Variants in REPS2 observed in about 807,000 individuals in gnomAD.
REPS2 encodes the protein ralBP1-associated Eps domain-containing protein 2.
A neutral mutation model predicts 53.6 loss-of-function variants in REPS2; 23 were observed. That is an observed-to-expected ratio of 0.43 (90% confidence interval 0.31 to 0.61). The LOEUF (loss-of-function observed/expected upper bound fraction) is 0.61, where lower values mean the gene tolerates loss of function less well. REPS2 is among the 20% of genes least tolerant of loss of function. The probability of loss-of-function intolerance (pLI) is 0.11; values close to 1 mark genes in which losing one functional copy is unlikely to be tolerated. For synonymous variants in REPS2, 238 were observed against 218.6 expected (o/e 1.09, Z -0.78); for missense variants, 446 against 534.9 (o/e 0.83, Z 1.64).
At chrX:17,026,133 G>A (rs1462233082) in intron 4 of REPS2, among the ~76,000 whole-genome samples, 1 of 112,088 alleles carries the variant, frequency 8.9e-6, no homozygotes, top group Non-Finnish European at 1.9e-5. Flanking sequence ...GAAGCAGAAG[G>A]TGTGTGGGTT....
intron 13 of REPS2, among the ~76,000 whole-genome samples, chrX:17,097,845 C>T (rs899987161): frequency 2.7e-5 from 3 of 111,581 alleles, no homozygotes; most frequent in Admixed American, 1.9e-4. Context: ...TTATCAGAAT[C>T]GACTTAAGAA....
the REPS2 span, among the ~76,000 whole-genome samples, chrX:17,171,355 G>A: frequency 9.0e-6 from 1 of 111,390 alleles, no homozygotes; most frequent in Non-Finnish European, 1.9e-5. Flanking sequence ...TTCTTAAATG[G>A]CCAGTTCCAA....
At chrX:17,158,820 G>GC in the REPS2 span, among the ~76,000 whole-genome samples, 1 of 112,006 alleles carries the variant, frequency 8.9e-6, no homozygotes, top group East Asian at 2.8e-4. Context: ...GCCAGGTTGG[G>GC]CCCACGCATT....
At chrX:16,969,490 G>A (rs1490691181) in intron 1 of REPS2, among the ~76,000 whole-genome samples, 1 of 108,518 alleles carries the variant, frequency 9.2e-6, no homozygotes, top group Non-Finnish European at 1.9e-5. Context: ...TCGGGAGGCC[G>A]AGGCTGGCGG....
intron 14 of REPS2, 69 bp from the exon 15 acceptor site, chrX:17,133,755 T>C: frequency 3.3e-6 from 3 of 918,780 alleles, no homozygotes; most frequent in Non-Finnish European, 4.7e-6. Flanking sequence ...TCTTCCTAAG[T>C]GCTCTTTATT....
chrX:17,146,698 A>T (rs2063519411), intron 17 of REPS2, among the ~76,000 whole-genome samples: 1 of 111,752 alleles, frequency 8.9e-6, no homozygotes, highest in African/African-American at 3.3e-5. Context: ...GAAGTTGTAT[A>T]CTGACTATTA....
chrX:17,114,180 G>A (rs2063015191), intron 14 of REPS2, among the ~76,000 whole-genome samples: 2 of 111,424 alleles, frequency 1.8e-5, no homozygotes, highest in African/African-American at 3.3e-5. Flanking sequence ...TCCAGTGGTC[G>A]GATTTCGAAT....
intron 1 of REPS2, among the ~76,000 whole-genome samples, chrX:16,974,715 A>AT (rs1224077165): frequency 9.0e-6 from 1 of 110,976 alleles, no homozygotes; most frequent in Non-Finnish European, 1.9e-5. Context: ...GAGATTATGC[A>AT]TTTTTAAAAA....
intron 1 of REPS2, among the ~76,000 whole-genome samples, chrX:16,951,910 G>A (rs867838269): frequency 9.0e-6 from 1 of 110,977 alleles, no homozygotes; most frequent in African/African-American, 3.3e-5. Flanking sequence ...CATCTTATTG[G>A]AGTTTTCTTT....
the REPS2 span, among the ~76,000 whole-genome samples, chrX:17,159,743 G>A: frequency 4.5e-5 from 5 of 111,407 alleles, no homozygotes; most frequent in Admixed American, 9.6e-5. Flanking sequence ...CTGTGAGGCC[G>A]TGGCATTGTG....
At chrX:17,064,270 A>G (rs1922272109) in intron 9 of REPS2, among the ~76,000 whole-genome samples, 1 of 112,180 alleles carries the variant, frequency 8.9e-6, no homozygotes, top group African/African-American at 3.2e-5. Context: ...TTGTTCATTT[A>G]AGAAGTACGG....
At position 17,100,321 on chromosome X, in the gene REPS2, G is replaced by A. The variant is rs747282041; in HGVS notation, c.1517-3397G>A. ...TCTTGTTTTGTTTTTTCTCCATAGC[G>A]TGTGTGTAAAGGGTGATGCTGCTCA... is the stretch of plus-strand genomic sequence containing the variant. On this transcript the variant is annotated intron_variant, in intron 13 of 17. Coordinates refer to ENST00000357277, the MANE Select transcript of REPS2 (RefSeq NM_004726.3). 43 of 529,811 alleles carry A rather than the reference G, an allele frequency of 8.1e-5. 1 individual carries two copies. Among genetic ancestry groups the A allele is most frequent in the Middle Eastern group, 5.6e-4 (1 of 1,789 alleles). 43.7% of individuals were successfully genotyped at this position (529,811 alleles called of 1,213,427 possible). A position where few individuals can be genotyped will look rare whatever the true frequency, so the allele number is the denominator to read the frequency against.
intron 3 of REPS2, among the ~76,000 whole-genome samples, chrX:17,024,306 A>C (rs189148473): frequency 9.2e-5 from 10 of 108,913 alleles, no homozygotes; most frequent in South Asian, 4.0e-4. Flanking sequence ...AACAAACAAA[A>C]AAAAGCACTG....
At chrX:17,163,449 T>A in the REPS2 span, among the ~76,000 whole-genome samples, 15 of 111,786 alleles carry the variant, frequency 1.3e-4, no homozygotes, top group Admixed American at 2.8e-4. Flanking sequence ...CCTTCCCAAA[T>A]TTGATGACAA....
chrX:17,181,973 A>G, the REPS2 span, among the ~76,000 whole-genome samples: 2 of 111,936 alleles, frequency 1.8e-5, no homozygotes, highest in Non-Finnish European at 1.9e-5. Context: ...GAATCTTGCT[A>G]TTCCCCTATC....
chrX:17,135,422 A>T lies in REPS2; in HGVS notation c.1808+16A>T. On this transcript the variant is annotated intron_variant, in intron 16 of 17. Transcript: ENST00000357277. ...CAGTCCAAAAGTAAGTAGACCACAT[A>T]AACAAGAGTGAGGTAGGAATCTCGC... 5.0e-6 allele frequency: 6 copies of T among 1,197,580 alleles called. No homozygotes were observed. Among genetic ancestry groups the T allele is most frequent in the Non-Finnish European group, 6.7e-6 (6 of 889,784 alleles).
At chrX:17,014,067 C>T (rs1206998846) in intron 2 of REPS2, among the ~76,000 whole-genome samples, 1 of 111,467 alleles carries the variant, frequency 9.0e-6, no homozygotes, top group Non-Finnish European at 1.9e-5. Flanking sequence ...TGGATCTTAG[C>T]AGGAAAATAC....
rs1423922757 is a variant in REPS2, at chrX:16,968,318, G to A, written c.273+21184G>A. Among the ~76,000 whole-genome samples, 5 of 111,991 alleles carry A rather than the reference G, an allele frequency of 4.5e-5. No individual in the cohort carries two copies. The East Asian group carries it at 1.1e-3, about 25-fold the overall frequency. ...TCCCCCCTTTCTATTCCACAAAACC[G>A]CCATTGTCATCATGGCCCGTTCTCA... On this transcript the variant is annotated intron_variant, in intron 1 of 17. Coordinates refer to ENST00000357277, the MANE Select transcript of REPS2 (RefSeq NM_004726.3).
In REPS2 at chrX:17,135,342, C is replaced by G. The variant is rs142529645; in HGVS notation, c.1744C>G (p.Pro582Ala). 43 of 1,210,221 alleles carry G rather than the reference C, an allele frequency of 3.6e-5. No homozygotes were observed. The highest frequency in any genetic ancestry group is 3.0e-4 in the African/African-American group (17 of 57,197). ...PENQATENQEPSTAASGPASA... is the reference protein window; with the variant it reads ...PENQATENQEASTAASGPASA... ...AAACCAAGCTACAGAAAACCAAGAG[C>G]CTTCCACTGCTGCAAGTGGGCCAGC... Residue 582 changes from proline (P) to alanine (A), a missense_variant, in exon 16 of 18, where the codon CCT becomes GCT. Coordinates refer to ENST00000357277, the MANE Select transcript of REPS2 (RefSeq NM_004726.3).
Sources: allele counts gnomAD v4.1 joint callset (sites outside exome capture counted in the v4.1 genomes callset), GRCh38; gene constraint gnomAD v4.1.1; transcripts MANE v1.5; gene names NCBI Gene and HGNC (gene_info 2026-07-23, HGNC 2026-07-21).